The following LRP1B variants were observed in gnomAD, a reference collection of about 807,000 sequenced individuals.
The protein encoded by LRP1B is LDL receptor related protein 1B, also known as low-density lipoprotein receptor-related protein 1B.
LRP1B carries 217 observed loss-of-function variants against 556.6 expected under a neutral mutation model. The ratio of observed to expected loss-of-function variants is 0.39; its 90% confidence interval spans 0.35 to 0.44. The LOEUF (loss-of-function observed/expected upper bound fraction) is 0.44. Ranked by LOEUF, LRP1B falls within the 20% of genes least tolerant of loss-of-function variation. LRP1B has a pLI of 1.00. For missense variants in LRP1B, 5,053 were observed against 5,620.8 expected, an observed-to-expected ratio of 0.90 and a Z score of 3.23; for synonymous variants, 2,047 against 1,865.8, an observed-to-expected ratio of 1.10 and a Z score of -2.50.
intron 21 of LRP1B, among the ~76,000 whole-genome samples, chr2:140,914,963 G>A (rs1234947429): frequency 6.6e-6 from 1 of 152,148 alleles, no homozygotes; most frequent in Non-Finnish European, 1.5e-5. Context: ...AGATCAGAAA[G>A]CGATAATGTA....
chr2:141,137,857 A>G (rs182653227), intron 7 of LRP1B, among the ~76,000 whole-genome samples: 5 of 151,920 alleles, frequency 3.3e-5, no homozygotes, highest in Admixed American at 6.6e-5. Flanking sequence ...TTTCACTTGT[A>G]ATAGTTCCTT....
intron 1 of LRP1B, among the ~76,000 whole-genome samples, chr2:141,959,406 T>G (rs1274186255): frequency 6.6e-6 from 1 of 151,936 alleles, no homozygotes; most frequent in African/African-American, 2.4e-5. Flanking sequence ...CAACTACCAT[T>G]CCTGGTGACT....
At chr2:141,615,985 G>A (rs758902570) in intron 2 of LRP1B, among the ~76,000 whole-genome samples, 9 of 151,984 alleles carry the variant, frequency 5.9e-5, no homozygotes, top group East Asian at 3.9e-4. Flanking sequence ...CCAAATCCTC[G>A]TTGTAAAAAA....
chr2:140,867,493 CTT>C (rs1239814574), intron 27 of LRP1B, 95 bp downstream of exon 27: 1 of 1,336,038 alleles, frequency 7.5e-7, no homozygotes, highest in Non-Finnish European at 1.0e-6. Context: ...ATGTCAATAA[CTT>C]TTAACTTATA....
intron 7 of LRP1B, among the ~76,000 whole-genome samples, chr2:141,126,365 T>C (rs975467304): frequency 5.9e-5 from 9 of 152,130 alleles, no homozygotes; most frequent in Admixed American, 1.3e-4. Flanking sequence ...ATACCGCTAC[T>C]CTTCTTCCTC....
intron 2 of LRP1B, among the ~76,000 whole-genome samples, chr2:141,549,037 G>A (rs1315073207): frequency 1.3e-5 from 2 of 152,122 alleles, no homozygotes; most frequent in East Asian, 3.9e-4. Context: ...TTTGAACCAT[G>A]TACTTGAGAA....
intron 3 of LRP1B, among the ~76,000 whole-genome samples, chr2:141,310,712 C>T (rs1205839238): frequency 6.6e-6 from 1 of 152,020 alleles, no homozygotes; most frequent in Non-Finnish European, 1.5e-5. Context: ...AACCAATACA[C>T]TTTGTTAAAG....
chr2:141,423,420 C>T (rs539939456), intron 3 of LRP1B, among the ~76,000 whole-genome samples: 1 of 151,136 alleles, frequency 6.6e-6, no homozygotes, highest in Non-Finnish European at 1.5e-5. Context: ...ACCAAAGCCA[C>T]TGGGAAAAGA....
intron 1 of LRP1B, among the ~76,000 whole-genome samples, chr2:141,931,501 G>T (rs1700503495): frequency 6.6e-6 from 1 of 151,962 alleles, no homozygotes; most frequent in Admixed American, 6.6e-5. Flanking sequence ...TCTAAGATTA[G>T]CATCATCAAT....
intron 23 of LRP1B, among the ~76,000 whole-genome samples, chr2:140,895,747 A>C (rs1693936003): frequency 6.6e-6 from 1 of 152,122 alleles, no homozygotes; most frequent in African/African-American, 2.4e-5. Context: ...AGAGCTGAAA[A>C]GGGGATGGAG....
At chr2:141,944,587 A>C (rs1257672818) in intron 1 of LRP1B, among the ~76,000 whole-genome samples, 1 of 152,174 alleles carries the variant, frequency 6.6e-6, no homozygotes, top group African/African-American at 2.4e-5. Context: ...CAAATCAAAT[A>C]CTGCCTCCTG....
intron 2 of LRP1B, among the ~76,000 whole-genome samples, chr2:141,568,089 G>A (rs1342707582): frequency 6.6e-6 from 1 of 150,920 alleles, no homozygotes; most frequent in Admixed American, 6.6e-5. Flanking sequence ...TTTAAGACTT[G>A]CTTGCTGCTC....
chr2:141,712,534 T>C (rs906936624), intron 2 of LRP1B, among the ~76,000 whole-genome samples: 1 of 152,190 alleles, frequency 6.6e-6, no homozygotes, highest in African/African-American at 2.4e-5. Flanking sequence ...CTCTGACTTA[T>C]AAAATGGGCA....
At chr2:141,141,323 AT>A (rs1444495693) in intron 7 of LRP1B, among the ~76,000 whole-genome samples, 1 of 152,084 alleles carries the variant, frequency 6.6e-6, no homozygotes, top group Non-Finnish European at 1.5e-5. Flanking sequence ...AAAATTATTC[AT>A]TTTTATGAAG....
At chr2:140,355,996 G>A (rs1158561747) in intron 75 of LRP1B, among the ~76,000 whole-genome samples, 2 of 151,794 alleles carry the variant, frequency 1.3e-5, no homozygotes, top group African/African-American at 4.8e-5. Flanking sequence ...AGAGAAATGG[G>A]TCATCATAAA....
intron 1 of LRP1B, among the ~76,000 whole-genome samples, chr2:141,835,457 A>G (rs1697246258): frequency 6.6e-6 from 1 of 151,508 alleles, no homozygotes; most frequent in African/African-American, 2.4e-5. Flanking sequence ...CAAATGAAAG[A>G]CACTCAATCA....
chr2:140,438,880 G>A (rs886109574), intron 66 of LRP1B, among the ~76,000 whole-genome samples: 1 of 152,134 alleles, frequency 6.6e-6, no homozygotes, highest in Non-Finnish European at 1.5e-5. Context: ...CAGAGCAAAG[G>A]TGGGGGCTAG....
rs570647160 is a variant in LRP1B at position 141,890,220 on chromosome 2, T to C, written c.83-79819A>G. Among the ~76,000 whole-genome samples, 6 of 151,188 alleles carry C rather than the reference T, an allele frequency of 4.0e-5. No homozygotes were observed. In the East Asian group the frequency reaches 1.2e-3, roughly 30 times the overall value. On this transcript the variant is annotated intron_variant, in intron 1 of 90. Coordinates refer to ENST00000389484, the MANE Select transcript of LRP1B (RefSeq NM_018557.3). ...AATTGCTTTTTCCTGAAAACATTAC[T>C]CCACTGCTCTGCAAGCTCCCAGTTA... is the stretch of plus-strand genomic sequence containing the variant.
At chr2:141,556,191 T>C (rs1299348663) in intron 2 of LRP1B, among the ~76,000 whole-genome samples, 2 of 151,824 alleles carry the variant, frequency 1.3e-5, no homozygotes, top group Non-Finnish European at 2.9e-5. Flanking sequence ...ACTGCCAGGG[T>C]TACATTAGGT....
Sources: gnomAD v4.1 joint callset for allele counts (sites outside exome capture counted in the v4.1 genomes callset) on GRCh38, gnomAD v4.1.1 for gene constraint, MANE v1.5 for transcripts, NCBI Gene and HGNC (gene_info 2026-07-23, HGNC 2026-07-21) for gene names.